The following FUT9 variants were observed in gnomAD, a reference collection of about 807,000 sequenced individuals.
The protein encoded by FUT9 is fucosyltransferase 9, also known as 4-galactosyl-N-acetylglucosaminide 3-alpha-L-fucosyltransferase 9.
In FUT9, 15 loss-of-function variants were observed where a neutral mutation model predicts 29.7. That is an observed-to-expected ratio of 0.51 (90% confidence interval 0.34 to 0.78). The LOEUF (loss-of-function observed/expected upper bound fraction) is 0.78, where lower values mean the gene tolerates loss of function less well. Among genes scored for constraint, FUT9 ranks in the 30% least tolerant of loss-of-function variants. The probability of loss-of-function intolerance (pLI) is 0.01; values close to 1 mark genes in which losing one functional copy is unlikely to be tolerated. For synonymous variants in FUT9, 169 were observed against 153.7 expected, an observed-to-expected ratio of 1.10 and a Z score of -0.74; for missense variants, 319 against 425.4, an observed-to-expected ratio of 0.75 and a Z score of 2.20.
At chr6:96,052,953 C>T (rs577491260) in intron 1 of FUT9, among the ~76,000 whole-genome samples, 4 of 151,704 alleles carry the variant, frequency 2.6e-5, no homozygotes, top group Non-Finnish European at 5.9e-5. Context: ...ATTGTGTCTT[C>T]ACCTTACTGT....
At chr6:96,035,153 C>G (rs1770328109) in intron 1 of FUT9, among the ~76,000 whole-genome samples, 1 of 151,178 alleles carries the variant, frequency 6.6e-6, no homozygotes, top group African/African-American at 2.4e-5. Context: ...TATGTCCTCT[C>G]CATAAAACCA....
At chr6:96,033,755 TACAC>T (rs1770303667) in intron 1 of FUT9, among the ~76,000 whole-genome samples, 2 of 151,872 alleles carry the variant, frequency 1.3e-5, no homozygotes, top group African/African-American at 4.8e-5. Context: ...TAAATATTCA[TACAC>T]ACTCAAATTC....
intron 2 of FUT9, among the ~76,000 whole-genome samples, chr6:96,177,374 T>G (rs1773222846): frequency 6.6e-6 from 1 of 151,998 alleles, no homozygotes; most frequent in Admixed American, 6.6e-5. Context: ...AGGAAAATAA[T>G]GTAGTTACAT....
intron 2 of FUT9, among the ~76,000 whole-genome samples, chr6:96,161,502 GATAA>G (rs1403761126): frequency 1.3e-5 from 2 of 152,136 alleles, no homozygotes; most frequent in African/African-American, 4.8e-5. Flanking sequence ...CATAGATACA[GATAA>G]ATATAGATAT....
At chr6:96,165,327 A>G (rs1461245822) in intron 2 of FUT9, among the ~76,000 whole-genome samples, 3 of 151,800 alleles carry the variant, frequency 2.0e-5, no homozygotes, top group Admixed American at 1.3e-4. Context: ...GCTATTCGGG[A>G]GGCTGAGGCA....
Position 96,081,802 on chromosome 6 carries a change from C to T in FUT9, c.-97-32237C>T, listed in dbSNP as rs562980589. ...TCACATTAGCAATAGTTGAACATTA[C>T]ACTTTCTCCATTCCCTCACCAATAC... is the stretch of plus-strand genomic sequence containing the variant. On this transcript the variant is annotated intron_variant, in intron 1 of 2. Transcript: ENST00000302103. Among the ~76,000 whole-genome samples, 5 of 152,012 alleles carry T rather than the reference C, an allele frequency of 3.3e-5. No individual in the cohort carries two copies. The South Asian group carries it at 1.0e-3, about 31-fold the overall frequency.
chr6:96,159,592 C>T (rs1350188784), intron 2 of FUT9, among the ~76,000 whole-genome samples: 1 of 152,044 alleles, frequency 6.6e-6, no homozygotes, highest in Non-Finnish European at 1.5e-5. Context: ...ATCTTTTTGA[C>T]TTGTTTTCTT....
At chr6:96,058,468 C>CAAAAAAAAAAAAAAAAA (rs3079049) in intron 1 of FUT9, among the ~76,000 whole-genome samples, 4 of 77,174 alleles carry the variant, frequency 5.2e-5, no homozygotes, top group East Asian at 4.2e-4. Context: ...GGCTTTATTC[C>CAAAAAAAAAAAAAAAAA]AAAAAAAAAA....
chr6:96,166,836 C>T (rs1233915589), intron 2 of FUT9, among the ~76,000 whole-genome samples: 1 of 152,158 alleles, frequency 6.6e-6, no homozygotes, highest in Non-Finnish European at 1.5e-5. Flanking sequence ...TCCTCCCATA[C>T]TCTTTAAATC....
chr6:96,023,026 T>C (rs190309523), intron 1 of FUT9, among the ~76,000 whole-genome samples: 11 of 151,924 alleles, frequency 7.2e-5, no homozygotes, highest in Admixed American at 3.9e-4. Context: ...GGACCCCAAA[T>C]ATAGAGAGAA....
chr6:96,115,509 T>C (rs1771893914), intron 2 of FUT9, among the ~76,000 whole-genome samples: 1 of 152,212 alleles, frequency 6.6e-6, no homozygotes, highest in Admixed American at 6.5e-5. Context: ...CATTTAAAAG[T>C]GTTCCAATAA....
At chr6:96,087,277 C>G (rs1303827123) in intron 1 of FUT9, among the ~76,000 whole-genome samples, 2 of 151,680 alleles carry the variant, frequency 1.3e-5, no homozygotes, top group Non-Finnish European at 2.9e-5. Flanking sequence ...ATATTTTTAA[C>G]TTATCATAGT....
Position 96,207,248 on chromosome 6 carries a change from C to T in FUT9, c.*3013C>T, listed in dbSNP as rs1483260911. The T allele has an allele frequency of 1.2e-5, 2 of 166,612 alleles. No individual in the cohort carries two copies. The highest frequency in any genetic ancestry group is 2.9e-5 in the Non-Finnish European group (2 of 68,068). 10.3% of individuals were successfully genotyped at this position (166,612 alleles called of 1,614,324 possible). ...ACACACATACACACACACACACACA[C>T]ACCCCACAGCTAGTGACAATAGTTA... On this transcript the variant is annotated 3_prime_UTR_variant, in exon 3 of 3. Transcript: ENST00000302103.
intron 2 of FUT9, among the ~76,000 whole-genome samples, chr6:96,168,298 G>T (rs1773050886): frequency 6.6e-6 from 1 of 152,180 alleles, no homozygotes; most frequent in African/African-American, 2.4e-5. Flanking sequence ...ATACATAATT[G>T]GTAACTTTGC....
chr6:96,040,398 C>A (rs1014926702), intron 1 of FUT9, among the ~76,000 whole-genome samples: 1 of 152,132 alleles, frequency 6.6e-6, no homozygotes, highest in Admixed American at 6.5e-5. Context: ...CATAAGAGTG[C>A]AAAACCATGG....
chr6:96,090,981 T>A (rs1771403117), intron 1 of FUT9, among the ~76,000 whole-genome samples: 1 of 152,084 alleles, frequency 6.6e-6, no homozygotes. Context: ...CAATAGTAAT[T>A]GATTCAGGCA....
chr6:96,147,374 G>A, intron 2 of FUT9, among the ~76,000 whole-genome samples: 1 of 152,008 alleles, frequency 6.6e-6, no homozygotes, highest in African/African-American at 2.4e-5. Context: ...TCACCGTATT[G>A]GCCAGGCTGG....
intron 1 of FUT9, among the ~76,000 whole-genome samples, chr6:96,080,301 A>G (rs1042104448): frequency 6.6e-6 from 1 of 151,978 alleles, no homozygotes; most frequent in Non-Finnish European, 1.5e-5. Context: ...AGCTATAAAT[A>G]ACTTCTTTAA....
intron 2 of FUT9, among the ~76,000 whole-genome samples, chr6:96,118,752 C>T (rs977348547): frequency 1.3e-5 from 2 of 152,018 alleles, no homozygotes; most frequent in East Asian, 3.9e-4. Flanking sequence ...ACGTTATTGC[C>T]CCTGAAGACC....
Sources: gnomAD v4.1 joint callset for allele counts (sites outside exome capture counted in the v4.1 genomes callset) on GRCh38, gnomAD v4.1.1 for gene constraint, MANE v1.5 for transcripts, NCBI Gene and HGNC (gene_info 2026-07-23, HGNC 2026-07-21) for gene names.